GRM5: variants seen among roughly 807,000 people sequenced by gnomAD.
GRM5 encodes metabotropic glutamate receptor 5.
In GRM5, 19 loss-of-function variants were observed where a neutral mutation model predicts 83.1. The ratio of observed to expected loss-of-function variants is 0.23; its 90% CI spans 0.16 to 0.34. GRM5 has a LOEUF of 0.34. Among genes scored for constraint, GRM5 ranks in the 10% least tolerant of loss-of-function variants. GRM5 has a pLI of 1.00. For missense variants in GRM5, 1,160 were observed against 1,588.3 expected, an observed-to-expected ratio of 0.73 and a Z score of 4.58; for synonymous variants, 675 against 633.6, an observed-to-expected ratio of 1.07 and a Z score of -0.98.
Position 88,507,676 on chromosome 11 carries a change from T to C in GRM5, c.*916A>G, listed in dbSNP as rs1453199662. 2.0e-5 allele frequency: 3 copies of C among 152,376 alleles called. No individual in the cohort carries two copies. The highest frequency in any genetic ancestry group is 2.9e-5 in the Non-Finnish European group (2 of 68,028). 9.4% of individuals were successfully genotyped at this position (152,376 alleles called of 1,614,324 possible). A position where few individuals can be genotyped will look rare whatever the true frequency, so the allele number is the denominator to read the frequency against. ...CAACAGCATTCCTAAAGAGTGGCCA[T>C]GTTTCTTGAAAGAGATAGCCAGGCT... is the stretch of plus-strand genomic sequence containing the variant. On this transcript the variant is annotated 3_prime_UTR_variant, in exon 10 of 10. Coordinates refer to ENST00000305447, the MANE Select transcript of GRM5 (RefSeq NM_001143831.3).
At chr11:88,627,001 T>A (rs1938816554) in intron 4 of GRM5, among the ~76,000 whole-genome samples, 1 of 152,248 alleles carries the variant, frequency 6.6e-6, no homozygotes, top group Non-Finnish European at 1.5e-5. Flanking sequence ...AGCCACTGTG[T>A]CAATGTTATT....
intron 2 of GRM5, among the ~76,000 whole-genome samples, chr11:88,887,256 T>C (rs1288597700): frequency 6.6e-6 from 1 of 152,194 alleles, no homozygotes; most frequent in African/African-American, 2.4e-5. Flanking sequence ...TGCCTCCAAT[T>C]AGAATGGTAC....
intron 2 of GRM5, among the ~76,000 whole-genome samples, chr11:89,044,546 A>G (rs1941603724): frequency 6.6e-6 from 1 of 152,214 alleles, no homozygotes; most frequent in African/African-American, 2.4e-5. Flanking sequence ...AGGTTTAAGT[A>G]TAAAACACAT....
At chr11:88,792,055 G>C (rs922593825) in intron 3 of GRM5, among the ~76,000 whole-genome samples, 2 of 152,058 alleles carry the variant, frequency 1.3e-5, no homozygotes, top group Admixed American at 1.3e-4. Flanking sequence ...ATGTTAGTCA[G>C]AATATGGAAT....
Position 88,509,247 on chromosome 11 carries a change from G to GCGTCTGGGGACTCGGGCC in GRM5, c.2966_2983dup (p.Gly989_Asp994dup). On this transcript the variant is annotated inframe_insertion, in exon 10 of 10. Transcript: ENST00000305447. The stretch of plus-strand genomic sequence containing the variant: ...CACATCATACAGCGCCTTGGGGCCG[G>GCGTCTGGGGACTCGGGCC]CGTCTGGGGACTCGGGCCCGCCTGG... The GCGTCTGGGGACTCGGGCC allele has an allele frequency of 6.0e-6, 9 of 1,491,846 alleles. No homozygotes were observed. Among genetic ancestry groups the GCGTCTGGGGACTCGGGCC allele is most frequent in the Non-Finnish European group, 8.0e-6 (9 of 1,124,104 alleles). The allele number at this position is 1,491,846 out of a possible 1,614,324, so 92.4% of individuals were successfully genotyped here.
At chr11:88,582,199 TG>T (rs1943225126) in intron 7 of GRM5, among the ~76,000 whole-genome samples, 1 of 152,210 alleles carries the variant, frequency 6.6e-6, no homozygotes, top group African/African-American at 2.4e-5. Flanking sequence ...GAGTAGGAAG[TG>T]GGGCTCGATC....
At chr11:88,572,034 T>C (rs1000275345) in intron 7 of GRM5, among the ~76,000 whole-genome samples, 2 of 152,178 alleles carry the variant, frequency 1.3e-5, no homozygotes, top group Non-Finnish European at 2.9e-5. Context: ...TTGTAGCTGA[T>C]AGCAATACTG....
chr11:88,999,312 T>C (rs554390223), intron 2 of GRM5, among the ~76,000 whole-genome samples: 30 of 152,252 alleles, frequency 2.0e-4, no homozygotes, highest in African/African-American at 5.8e-4. Flanking sequence ...ACCTACAGAA[T>C]GGGAGAAAAT....
intron 3 of GRM5, among the ~76,000 whole-genome samples, chr11:88,789,547 C>T (rs1009034797): frequency 1.3e-5 from 2 of 152,030 alleles, no homozygotes; most frequent in South Asian, 4.1e-4. Flanking sequence ...TTTTAATACT[C>T]AGAGAATTTA....
rs144441996 is a variant in GRM5 at position 88,681,417 on chromosome 11, C to A, written c.912-28014G>T. ...TTTTTGCTCTTTGATTTCTCTTGAACCCTTTCTTTTTGAAATTCCTTCTTC... is the reference window on the plus strand; with the variant it reads ...TTTTTGCTCTTTGATTTCTCTTGAAACCTTTCTTTTTGAAATTCCTTCTTC... On this transcript the variant is annotated intron_variant, in intron 3 of 9. Coordinates refer to ENST00000305447, the MANE Select transcript of GRM5 (RefSeq NM_001143831.3). Among the ~76,000 whole-genome samples the A allele has an allele frequency of 4.5e-3, 684 of 151,844 alleles. 7 individuals are homozygous for A. Among genetic ancestry groups the A allele is most frequent in the African/African-American group, 0.016 (660 of 41,490 alleles).
intron 4 of GRM5, among the ~76,000 whole-genome samples, chr11:88,614,322 A>G (rs546190536): frequency 6.6e-6 from 1 of 152,316 alleles, no homozygotes; most frequent in East Asian, 1.9e-4. Context: ...AATGTTATAG[A>G]AAAGTCATAG....
intron 2 of GRM5, among the ~76,000 whole-genome samples, chr11:89,035,042 T>A (rs1252757748): frequency 6.6e-6 from 1 of 151,614 alleles, no homozygotes; most frequent in Non-Finnish European, 1.5e-5. Context: ...GAGCAAAAAA[T>A]TAATATCAGT....
chr11:88,718,472 T>A (rs1182707198), intron 3 of GRM5, among the ~76,000 whole-genome samples: 2 of 152,032 alleles, frequency 1.3e-5, no homozygotes, highest in East Asian at 3.9e-4. Context: ...ATTTACTCTA[T>A]GCTTTCTGTT....
At chr11:88,593,790 C>T (rs754332665) in intron 6 of GRM5, among the ~76,000 whole-genome samples, 3 of 40,640 alleles carry the variant, frequency 7.4e-5, no homozygotes, top group African/African-American at 1.1e-4. Context: ...CTCTCTTTCT[C>T]TCTTTTTCTC....
chr11:89,056,739 G>A (rs1941883438), intron 1 of GRM5, among the ~76,000 whole-genome samples: 1 of 152,064 alleles, frequency 6.6e-6, no homozygotes, highest in African/African-American at 2.4e-5. Context: ...TAATAATATG[G>A]TGACATTTAA....
At chr11:88,749,338 T>A (rs755059774) in intron 3 of GRM5, among the ~76,000 whole-genome samples, 51 of 152,256 alleles carry the variant, frequency 3.3e-4, no homozygotes, top group Non-Finnish European at 3.7e-4. Context: ...GAGGAAAGAA[T>A]CTCAGACCTT....
intron 2 of GRM5, among the ~76,000 whole-genome samples, chr11:88,942,966 T>C (rs1256306892): frequency 6.6e-6 from 1 of 152,056 alleles, no homozygotes; most frequent in Non-Finnish European, 1.5e-5. Context: ...CAACTTCAAT[T>C]GTTCCCCCAA....
At chr11:88,769,737 T>C (rs1263892477) in intron 3 of GRM5, among the ~76,000 whole-genome samples, 2 of 152,042 alleles carry the variant, frequency 1.3e-5, no homozygotes, top group Non-Finnish European at 2.9e-5. Context: ...CATCTGCAAG[T>C]CCAGACTGAT....
chr11:88,883,898 C>T (rs777167663), intron 2 of GRM5, among the ~76,000 whole-genome samples: 1 of 152,098 alleles, frequency 6.6e-6, no homozygotes, highest in African/African-American at 2.4e-5. Flanking sequence ...CTTCCATATA[C>T]ATTTTAAAGG....
Sources: gnomAD v4.1 joint callset for allele counts (sites outside exome capture counted in the v4.1 genomes callset) on GRCh38, gnomAD v4.1.1 for gene constraint, MANE v1.5 for transcripts, NCBI Gene and HGNC (gene_info 2026-07-23, HGNC 2026-07-21) for gene names.